Variants in C12orf42 observed in about 807,000 individuals in gnomAD.
C12orf42 encodes uncharacterized protein C12orf42.
Under a neutral mutation model 21.6 loss-of-function variants are expected in C12orf42, and 25 were observed. The ratio of observed to expected loss-of-function variants is 1.16; its 90% CI spans 0.84 to 1.62. The LOEUF is 1.62. Ranked by LOEUF, C12orf42 falls within the 40% of genes most tolerant of loss-of-function variation. The probability of loss-of-function intolerance (pLI) is 0.00; values close to 1 mark genes in which losing one functional copy is unlikely to be tolerated. For synonymous variants in C12orf42, 174 were observed against 175.0 expected, an observed-to-expected ratio of 0.99 and a Z score of 0.05; for missense variants, 483 against 459.3, an observed-to-expected ratio of 1.05 and a Z score of -0.47.
intron 4 of C12orf42, among the ~76,000 whole-genome samples, chr12:103,317,574 T>A (rs2039639161): frequency 6.6e-6 from 1 of 152,232 alleles, no homozygotes; most frequent in Non-Finnish European, 1.5e-5. Context: ...GAGCATTTGG[T>A]CCTAGTGGAT....
chr12:103,238,979 G>A (rs1565987728), intron 10 of C12orf42, among the ~76,000 whole-genome samples: 1 of 152,210 alleles, frequency 6.6e-6, no homozygotes, highest in Non-Finnish European at 1.5e-5. Context: ...GGGCAACTGT[G>A]GCTGGGCCAT....
At chr12:103,302,619 G>T in intron 5 of C12orf42, 60 bp from the exon 6 acceptor site, 2 of 1,401,892 alleles carry the variant, frequency 1.4e-6, no homozygotes, top group Non-Finnish European at 1.9e-6. Flanking sequence ...GGACCACACC[G>T]CACCCCCGCG....
At chr12:103,370,598 A>G (rs1019383464) in intron 3 of C12orf42, among the ~76,000 whole-genome samples, 35 of 152,160 alleles carry the variant, frequency 2.3e-4, no homozygotes, top group African/African-American at 8.4e-4. Flanking sequence ...ATGAAGCCGG[A>G]GGCCATTATC....
the C12orf42 span, among the ~76,000 whole-genome samples, chr12:103,051,493 G>T: frequency 6.6e-6 from 1 of 152,126 alleles, no homozygotes; most frequent in Admixed American, 6.5e-5. Flanking sequence ...TACATTGCTG[G>T]TTTTACTTTT....
In C12orf42 at chr12:103,485,449, A is replaced by G. The variant is rs903935469; in HGVS notation, c.-21-7002T>C. On this transcript the variant is annotated intron_variant, in intron 1 of 5. Coordinates refer to ENST00000548883, the MANE Select transcript of C12orf42 (RefSeq NM_198521.5). ...CTTTTGGCTTAGGATTGTCTTGGCA[A>G]TGTGGGCTCTTTTTTAGTTCCATAT... 3.3e-5 allele frequency among the ~76,000 whole-genome samples: 5 copies of G among 152,198 alleles called. No homozygotes were observed. The South Asian group carries it at 1.0e-3, about 32-fold the overall frequency.
the C12orf42 span, among the ~76,000 whole-genome samples, chr12:103,207,872 C>G: frequency 1.6e-4 from 24 of 152,200 alleles, no homozygotes; most frequent in Non-Finnish European, 7.3e-5. Flanking sequence ...TGCTTACAGG[C>G]AAGCTTAATG....
chr12:103,390,537 G>A (rs1435626830), intron 3 of C12orf42, among the ~76,000 whole-genome samples: 1 of 152,074 alleles, frequency 6.6e-6, no homozygotes, highest in Non-Finnish European at 1.5e-5. Context: ...TACTACATGT[G>A]GTAATCAGGG....
At chr12:103,272,920 G>A (rs184731978) in intron 5 of C12orf42, among the ~76,000 whole-genome samples, 4 of 152,256 alleles carry the variant, frequency 2.6e-5, no homozygotes, top group African/African-American at 9.6e-5. Context: ...TTTCTGTTCA[G>A]TATTTTCCAG....
chr12:103,276,458 G>A (rs554178193), intron 5 of C12orf42, among the ~76,000 whole-genome samples: 1 of 152,180 alleles, frequency 6.6e-6, no homozygotes, highest in African/African-American at 2.4e-5. Context: ...TTGCAAGAGT[G>A]AACTTCCCAT....
chr12:103,308,522 G>C (rs1375123497), intron 4 of C12orf42, among the ~76,000 whole-genome samples: 3 of 152,202 alleles, frequency 2.0e-5, no homozygotes, highest in African/African-American at 7.2e-5. Flanking sequence ...AGGATGACCT[G>C]TCACCTAACA....
At chr12:103,075,129 A>G in the C12orf42 span, among the ~76,000 whole-genome samples, 9 of 152,074 alleles carry the variant, frequency 5.9e-5, no homozygotes, top group Admixed American at 2.0e-4. Context: ...AAAGAAAAGG[A>G]TCTGAAGCAT....
chr12:103,320,359 G>A (rs1179348565), intron 4 of C12orf42, among the ~76,000 whole-genome samples: 2 of 152,144 alleles, frequency 1.3e-5, no homozygotes, highest in African/African-American at 4.8e-5. Context: ...ACACTGAGAA[G>A]AGAAATCACA....
At chr12:103,511,070 G>C in the C12orf42 span, among the ~76,000 whole-genome samples, 1 of 152,142 alleles carries the variant, frequency 6.6e-6, no homozygotes, top group African/African-American at 2.4e-5. Context: ...TGCAGGTGAG[G>C]TTCTGACTTT....
At chr12:103,359,403 C>G (rs2137652825) in intron 4 of C12orf42, among the ~76,000 whole-genome samples, 1 of 152,100 alleles carries the variant, frequency 6.6e-6, no homozygotes, top group South Asian at 2.1e-4. Context: ...TTTACAAAAA[C>G]TGAAACAACC....
chr12:103,439,257 T>G (rs1347860194), intron 2 of C12orf42, among the ~76,000 whole-genome samples: 1 of 151,560 alleles, frequency 6.6e-6, no homozygotes, highest in East Asian at 1.9e-4. Context: ...AAAAATCAAT[T>G]CAAGATGGAT....
chr12:103,270,662 T>C (rs2035418160), intron 5 of C12orf42, among the ~76,000 whole-genome samples: 1 of 151,382 alleles, frequency 6.6e-6, no homozygotes, highest in South Asian at 2.1e-4. Flanking sequence ...TGTGCCATGC[T>C]GGTGTGCTGC....
At chr12:103,101,377 C>T in the C12orf42 span, among the ~76,000 whole-genome samples, 3 of 152,338 alleles carry the variant, frequency 2.0e-5, no homozygotes, top group East Asian at 1.9e-4. Context: ...TGATTATTCT[C>T]ATAGGCACTT....
At chr12:103,298,444 C>T (rs369052596), downstream of C12orf42, among the ~76,000 whole-genome samples, 72 of 152,168 alleles carry the variant, frequency 4.7e-4, no homozygotes, top group Middle Eastern at 3.4e-3. Context: ...CACTGTTCAA[C>T]GAAATCAAAG....
chr12:103,288,133 T>C (rs1255361950), intron 4 of C12orf42, among the ~76,000 whole-genome samples: 1 of 152,160 alleles, frequency 6.6e-6, no homozygotes, highest in Non-Finnish European at 1.5e-5. Flanking sequence ...ACTGATGAGA[T>C]ATTCTCCCAA....
Sources: gnomAD v4.1 joint callset for allele counts (sites outside exome capture counted in the v4.1 genomes callset) on GRCh38, gnomAD v4.1.1 for gene constraint, MANE v1.5 for transcripts, NCBI Gene and HGNC (gene_info 2026-07-23, HGNC 2026-07-21) for gene names.